Variants in SHC4 observed in about 807,000 individuals in gnomAD.
SHC4 encodes SHC adaptor protein 4.
In SHC4, 41 loss-of-function variants were observed where a neutral mutation model predicts 69.4. That is an observed-to-expected ratio of 0.59 (90% CI 0.46 to 0.77). The LOEUF (loss-of-function observed/expected upper bound fraction) is 0.77, where lower values mean the gene tolerates loss of function less well. SHC4 is among the 30% of genes least tolerant of loss of function. The pLI is 0.00. For synonymous variants in SHC4, 318 were observed against 299.3 expected, an observed-to-expected ratio of 1.06 and a Z score of -0.64; for missense variants, 777 against 783.8, an observed-to-expected ratio of 0.99 and a Z score of 0.10.
intron 1 of SHC4, among the ~76,000 whole-genome samples, chr15:48,931,533 C>T (rs1477023242): frequency 6.6e-6 from 1 of 152,018 alleles, no homozygotes; most frequent in Admixed American, 6.6e-5. Flanking sequence ...ATCCATCAAC[C>T]AATCAAGAGG....
chr15:48,858,928 C>T (rs914412059), intron 6 of SHC4, among the ~76,000 whole-genome samples: 5 of 152,102 alleles, frequency 3.3e-5, no homozygotes, highest in African/African-American at 1.2e-4. Context: ...TAAAGGAGTG[C>T]ATGGAGAATC....
chr15:48,834,676 T>G, intron 11 of SHC4, 93 bp downstream of exon 11: 14 of 1,524,184 alleles, frequency 9.2e-6, no homozygotes, highest in East Asian at 2.3e-5. Context: ...TACTTAGCCT[T>G]GAGCACTATT....
Position 48,962,728 on chromosome 15 carries a change from G to C in SHC4, c.288C>G (p.Ala96=), listed in dbSNP as rs755523887. The change falls in exon 1 of 12, where the codon GCC becomes GCG. Residue 96 remains alanine (A), a synonymous_variant. Transcript: ENST00000332408. ...LIPRMASMKL[A]NPATLLSLKN... ...TCAGACTCAGCAAAGTGGCCGGGTT[G>C]GCCAGCTTCATGCTTGCCATGCGGG... 1 of 1,613,814 alleles carries C rather than the reference G, an allele frequency of 6.2e-7. No individual in the cohort carries two copies. Among genetic ancestry groups the C allele is most frequent in the African/African-American group, 1.3e-5 (1 of 75,054 alleles).
At chr15:48,880,378 C>G (rs566034213) in intron 4 of SHC4, among the ~76,000 whole-genome samples, 1 of 152,160 alleles carries the variant, frequency 6.6e-6, no homozygotes, top group African/African-American at 2.4e-5. Context: ...CGTGCAGCTA[C>G]GGTCAGATGA....
chr15:48,901,249 C>T (rs1242138932), intron 2 of SHC4, among the ~76,000 whole-genome samples: 2 of 152,138 alleles, frequency 1.3e-5, no homozygotes, highest in Admixed American at 6.5e-5. Flanking sequence ...CTAAAGCAAA[C>T]CGGAAACAAA....
intron 3 of SHC4, among the ~76,000 whole-genome samples, chr15:48,888,770 T>C (rs1254077500): frequency 2.0e-5 from 3 of 151,324 alleles, no homozygotes; most frequent in Non-Finnish European, 4.4e-5. Context: ...TGGCACATGA[T>C]TGCAATCCCA....
chr15:48,936,890 C>T (rs960969314), intron 1 of SHC4, among the ~76,000 whole-genome samples: 7 of 152,190 alleles, frequency 4.6e-5, no homozygotes, highest in Non-Finnish European at 8.8e-5. Flanking sequence ...AAATCCCTTA[C>T]ACAGGGGAAT....
At position 48,929,654 on chromosome 15, in the gene SHC4, G is replaced by A. The variant is rs191371034; in HGVS notation, c.586-4705C>T. Among the ~76,000 whole-genome samples, 132 of 152,280 alleles carry A rather than the reference G, an allele frequency of 8.7e-4. 3 individuals are homozygous for A. Among genetic ancestry groups the A allele is most frequent in the South Asian group, 2.1e-4 (1 of 4,822 alleles). On this transcript the variant is annotated intron_variant, in intron 1 of 11. Transcript: ENST00000332408. The stretch of plus-strand genomic sequence containing the variant: ...GGAACACGGTGAACAGTGTCGAGAC[G>A]GGGGACCACAATGGTAACAGCAGAT...
At chr15:48,911,287 T>G (rs1048839793) in intron 2 of SHC4, among the ~76,000 whole-genome samples, 7 of 152,220 alleles carry the variant, frequency 4.6e-5, no homozygotes, top group Non-Finnish European at 1.0e-4. Context: ...GCTATTTTCC[T>G]GTTGGACAAT....
intron 1 of SHC4, among the ~76,000 whole-genome samples, chr15:48,925,341 T>C (rs146039860): frequency 4.6e-5 from 7 of 152,268 alleles, no homozygotes; most frequent in Non-Finnish European, 8.8e-5. Context: ...GGGGATACAA[T>C]AGGAATTGTT....
At chr15:48,949,011 C>T (rs1901323143) in intron 1 of SHC4, among the ~76,000 whole-genome samples, 1 of 152,182 alleles carries the variant, frequency 6.6e-6, no homozygotes, top group African/African-American at 2.4e-5. Context: ...CACTGCTTGT[C>T]CTTCTGTAGT....
rs141452244 is a variant in SHC4, at chr15:48,901,428, G to A, written c.657-10617C>T. ...AAGAAAGGGGTCTTTCCCTATGTCA[G>A]TATAAGAATTATGGGACTCCCTTTA... On this transcript the variant is annotated intron_variant, in intron 2 of 11. Transcript: ENST00000332408. Among the ~76,000 whole-genome samples, 25 of 152,270 alleles carry A rather than the reference G, an allele frequency of 1.6e-4. 2 individuals are homozygous for A. The East Asian group carries it at 4.4e-3, about 27-fold the overall frequency.
chr15:48,860,297 T>G (rs931659757), intron 6 of SHC4, among the ~76,000 whole-genome samples: 3 of 152,066 alleles, frequency 2.0e-5, no homozygotes, highest in Non-Finnish European at 2.9e-5. Context: ...GTGGATCACT[T>G]GAGGTCAGGA....
At chr15:48,926,676 T>A (rs1900859745) in intron 1 of SHC4, among the ~76,000 whole-genome samples, 1 of 152,170 alleles carries the variant, frequency 6.6e-6, no homozygotes, top group South Asian at 2.1e-4. Flanking sequence ...TTGGCCAGGC[T>A]GGTCTTAAAC....
intron 1 of SHC4, among the ~76,000 whole-genome samples, chr15:48,925,724 C>A (rs779325088): frequency 6.6e-6 from 1 of 151,984 alleles, no homozygotes; most frequent in South Asian, 2.1e-4. Context: ...AGGCGTGATG[C>A]GATTAGATCT....
chr15:48,913,934 G>A (rs1900564684), intron 2 of SHC4, among the ~76,000 whole-genome samples: 1 of 152,180 alleles, frequency 6.6e-6, no homozygotes, highest in Non-Finnish European at 1.5e-5. Flanking sequence ...CGCATCTGGG[G>A]CACTCACAGT....
At chr15:48,843,672 G>A (rs1899035176) in intron 9 of SHC4, 84 bp from the exon 10 acceptor site, 1 of 1,328,508 alleles carries the variant, frequency 7.5e-7, no homozygotes, top group Non-Finnish European at 1.0e-6. Context: ...AGAATTGATA[G>A]AAACCTAAAG....
chr15:48,863,305 A>C (rs1899484727), intron 6 of SHC4, among the ~76,000 whole-genome samples: 1 of 152,134 alleles, frequency 6.6e-6, no homozygotes, highest in African/African-American at 2.4e-5. Flanking sequence ...TATAATGCGT[A>C]TCTACCCAGA....
rs749788225 is a variant in SHC4 at position 48,924,926 on chromosome 15, C to T, written c.609G>A (p.Leu203=). The T allele has an allele frequency of 5.0e-6, 8 of 1,613,882 alleles. No individual in the cohort carries two copies. Among genetic ancestry groups the T allele is most frequent in the Non-Finnish European group, 6.8e-6 (8 of 1,179,988 alleles). The change falls in exon 2 of 12, where the codon CTG becomes CTA. Residue 203 remains leucine, a synonymous_variant. Coordinates refer to ENST00000332408, the MANE Select transcript of SHC4 (RefSeq NM_203349.4). ...CAAAATCCAGTGATCTCATTGATTG[C>T]AGCACTTCAACACAGCCCATGTACT... ...CVRYMGCVEV[L]QSMRSLDFGM...
Sources: gnomAD v4.1 joint callset for allele counts (sites outside exome capture counted in the v4.1 genomes callset) on GRCh38, gnomAD v4.1.1 for gene constraint, MANE v1.5 for transcripts, NCBI Gene and HGNC (gene_info 2026-07-23, HGNC 2026-07-21) for gene names.